The following ALDH1L2 variants were observed in gnomAD, a reference collection of about 807,000 sequenced individuals.
ALDH1L2 encodes mitochondrial 10-formyltetrahydrofolate dehydrogenase.
In ALDH1L2, 91 loss-of-function variants were observed where a neutral mutation model predicts 111.0. The observed-to-expected ratio is 0.82, with a 90% CI of 0.69 to 0.98. ALDH1L2 has a LOEUF of 0.98. Among genes scored for constraint, ALDH1L2 ranks in the 50% least tolerant of loss-of-function variants. The pLI is 0.00. For synonymous variants in ALDH1L2, 374 were observed against 392.6 expected, an observed-to-expected ratio of 0.95 and a Z score of 0.56; for missense variants, 995 against 1,126.8, an observed-to-expected ratio of 0.88 and a Z score of 1.67.
At chr12:105,066,818 A>C in intron 4 of ALDH1L2, 149 bp from the exon 5 acceptor site, 1 of 655,714 alleles carries the variant, frequency 1.5e-6, no homozygotes, top group Non-Finnish European at 2.7e-6. Context: ...CTTCAGGTCC[A>C]TCCTGACAAG....
At chr12:105,035,432 T>A (rs1283675702) in intron 18 of ALDH1L2, among the ~76,000 whole-genome samples, 1 of 152,008 alleles carries the variant, frequency 6.6e-6, no homozygotes, top group African/African-American at 2.4e-5. Flanking sequence ...GAAGTGATCC[T>A]CCATCTCAGT....
chr12:105,040,926 T>C (rs1391116162), intron 15 of ALDH1L2, among the ~76,000 whole-genome samples: 3 of 152,244 alleles, frequency 2.0e-5, no homozygotes, highest in Admixed American at 6.5e-5. Flanking sequence ...GCATTTGCTT[T>C]ATCTTTCTGT....
At chr12:105,082,498 GA>G (rs1215933297) in intron 1 of ALDH1L2, among the ~76,000 whole-genome samples, 1 of 152,154 alleles carries the variant, frequency 6.6e-6, no homozygotes, top group Admixed American at 6.5e-5. Context: ...ATACATATTT[GA>G]GTTCCATCCA....
At chr12:105,080,450 GATTT>G (rs1198630247) in intron 1 of ALDH1L2, among the ~76,000 whole-genome samples, 1 of 152,088 alleles carries the variant, frequency 6.6e-6, no homozygotes, top group Admixed American at 6.5e-5. Context: ...TAAAAACATA[GATTT>G]AATAGTCTGT....
chr12:105,034,173 T>C, intron 19 of ALDH1L2, 127 bp downstream of exon 19: 1 of 852,720 alleles, frequency 1.2e-6, no homozygotes, highest in Non-Finnish European at 1.8e-6. Context: ...TAGGGACTGA[T>C]TTTTTTTAAA....
intron 10 of ALDH1L2, among the ~76,000 whole-genome samples, chr12:105,054,928 AATC>A (rs1211202776): frequency 2.0e-5 from 3 of 152,334 alleles, no homozygotes; most frequent in Non-Finnish European, 2.9e-5. Context: ...TGTCAAAAAT[AATC>A]AGTGGCAATT....
chr12:105,076,459 T>C (rs1362017074), intron 1 of ALDH1L2, among the ~76,000 whole-genome samples: 1 of 152,188 alleles, frequency 6.6e-6, no homozygotes, highest in African/African-American at 2.4e-5. Flanking sequence ...ATAAAGAAAT[T>C]AAAGACAGAG....
chr12:105,056,860 A>G (rs1231832887), intron 10 of ALDH1L2, among the ~76,000 whole-genome samples: 1 of 151,478 alleles, frequency 6.6e-6, no homozygotes, highest in Non-Finnish European at 1.5e-5. Flanking sequence ...TTGAGGAATA[A>G]AAAGGTGTCA....
intron 18 of ALDH1L2, among the ~76,000 whole-genome samples, chr12:105,036,200 ACACG>A (rs1225726465): frequency 1.1e-4 from 6 of 52,860 alleles, no homozygotes; most frequent in African/African-American, 4.7e-4. Context: ...TATAATATAT[ACACG>A]TATATTTATA....
At chr12:105,077,397 A>G (rs1039357790) in intron 1 of ALDH1L2, among the ~76,000 whole-genome samples, 6 of 151,692 alleles carry the variant, frequency 4.0e-5, no homozygotes, top group Non-Finnish European at 5.9e-5. Context: ...CAGCCTCCCA[A>G]GTAACTGGGA....
intron 9 of ALDH1L2, among the ~76,000 whole-genome samples, chr12:105,059,157 C>T (rs1306394795): frequency 2.0e-5 from 3 of 151,970 alleles, no homozygotes; most frequent in Non-Finnish European, 4.4e-5. Context: ...ATCCCAGCTA[C>T]TTGGGAAGCT....
chr12:105,061,782 A>G, intron 7 of ALDH1L2, 30 bp from the exon 8 acceptor site: 1 of 1,613,556 alleles, frequency 6.2e-7, no homozygotes, highest in Non-Finnish European at 8.5e-7. Context: ...CAAGCATAAA[A>G]ATTGAGGATT....
Position 105,026,764 on chromosome 12 carries a change from T to C in ALDH1L2, c.2517-20A>G, listed in dbSNP as rs760861820. ...ATGTCCCTGTGTTTTTAGGAAGACA[T>C]AAAACTTCATTAAATGTAAAGCAAA... On this transcript the variant is annotated intron_variant, in intron 21 of 22. Coordinates refer to ENST00000258494, the MANE Select transcript of ALDH1L2 (RefSeq NM_001034173.4). 7.4e-6 allele frequency: 12 copies of C among 1,610,944 alleles called. No homozygotes were observed. Among genetic ancestry groups the C allele is most frequent in the African/African-American group, 4.0e-5 (3 of 74,746 alleles).
chr12:105,047,001 ACT>A, intron 13 of ALDH1L2, 32 bp from the exon 14 acceptor site: 1 of 1,598,820 alleles, frequency 6.3e-7, no homozygotes, highest in Non-Finnish European at 8.6e-7. Flanking sequence ...TACTTATTTT[ACT>A]AATTTAAATA....
Position 105,075,214 on chromosome 12 carries a change from A to G in ALDH1L2, c.49-1209T>C, listed in dbSNP as rs530744989. ...AAGAGACTGAGATGACTCAAATGTA[A>G]TGTGCCGCTCGGCTGTCGTCTGGTT... On this transcript the variant is annotated intron_variant, in intron 1 of 22. Coordinates refer to ENST00000258494, the MANE Select transcript of ALDH1L2 (RefSeq NM_001034173.4). Among the ~76,000 whole-genome samples the G allele has an allele frequency of 3.9e-5, 6 of 152,360 alleles. No individual in the cohort carries two copies. The South Asian group carries it at 1.2e-3, about 32-fold the overall frequency.
At chr12:105,066,326 C>T (rs775912348) in intron 5 of ALDH1L2, among the ~76,000 whole-genome samples, 2 of 152,156 alleles carry the variant, frequency 1.3e-5, no homozygotes, top group Non-Finnish European at 2.9e-5. Context: ...CCCACCCACT[C>T]CAGCATTAGA....
chr12:105,036,499 A>G (rs1875110139), intron 18 of ALDH1L2, among the ~76,000 whole-genome samples: 1 of 60,536 alleles, frequency 1.7e-5, no homozygotes, highest in Non-Finnish European at 3.0e-5. Flanking sequence ...ATATTTATAT[A>G]TGTATATATA....
At chr12:105,046,300 G>A (rs10861322) in intron 15 of ALDH1L2, among the ~76,000 whole-genome samples, 49,535 of 132,840 alleles carry the variant, frequency 0.37, 9,478 homozygotes, top group South Asian at 0.53. Flanking sequence ...GCAGTGGCAC[G>A]ATCTCGGCTC....
intron 21 of ALDH1L2, 145 bp from the exon 22 acceptor site, chr12:105,026,889 G>T: frequency 1.0e-6 from 1 of 986,640 alleles, no homozygotes; most frequent in Non-Finnish European, 1.5e-6. Flanking sequence ...GTTTTTTAGA[G>T]GCCAGGCATT....
Sources: gnomAD v4.1 joint callset for allele counts (sites outside exome capture counted in the v4.1 genomes callset) on GRCh38, gnomAD v4.1.1 for gene constraint, MANE v1.5 for transcripts, NCBI Gene and HGNC (gene_info 2026-07-23, HGNC 2026-07-21) for gene names.